CFDP1: variants seen among roughly 807,000 people sequenced by gnomAD.
The protein encoded by CFDP1 is heterochromatin-stabilizing protein CFDP1.
CFDP1 carries 31 observed loss-of-function variants against 40.1 expected under a neutral mutation model. The ratio of observed to expected loss-of-function variants is 0.77; its 90% CI spans 0.58 to 1.04. CFDP1 has a LOEUF of 1.04. Among genes scored for constraint, CFDP1 ranks in the 50% least tolerant of loss-of-function variants. The pLI is 0.00. For missense variants in CFDP1, 423 were observed against 343.4 expected (o/e 1.23, Z -1.83); for synonymous variants, 167 against 120.0 (o/e 1.39, Z -2.56).
At chr16:75,370,130 T>C (rs1192536588) in intron 5 of CFDP1, among the ~76,000 whole-genome samples, 1 of 151,582 alleles carries the variant, frequency 6.6e-6, no homozygotes, top group African/African-American at 2.4e-5. Flanking sequence ...TTCGCTCTTG[T>C]TGCCCAGGCT....
intron 6 of CFDP1, among the ~76,000 whole-genome samples, chr16:75,302,188 GT>G (rs2078226042): frequency 2.0e-5 from 3 of 152,202 alleles, no homozygotes; most frequent in African/African-American, 7.2e-5. Context: ...TTTTAATCTT[GT>G]TTTCCCTTCC....
chr16:75,410,888 G>A (rs78053155), intron 4 of CFDP1, among the ~76,000 whole-genome samples: 71,933 of 134,024 alleles, frequency 0.54, 19,555 homozygotes, highest in Admixed American at 0.67. Flanking sequence ...CAGCCTGGGC[G>A]ACAGAGCAAG....
chr16:75,353,530 G>A (rs1272491463), intron 5 of CFDP1, among the ~76,000 whole-genome samples: 1 of 152,000 alleles, frequency 6.6e-6, no homozygotes, highest in African/African-American at 2.4e-5. Context: ...GGGAGGCCGA[G>A]GCGGGCAGAT....
chr16:75,325,042 GA>G (rs1237229293), intron 5 of CFDP1: 1 of 152,118 alleles, frequency 6.6e-6, no homozygotes, highest in East Asian at 1.9e-4. Context: ...AAAGTCCTTG[GA>G]CTTTTCTCCA....
chr16:75,320,162 C>T (rs987598523), intron 5 of CFDP1, among the ~76,000 whole-genome samples: 31 of 152,180 alleles, frequency 2.0e-4, no homozygotes, highest in Non-Finnish European at 3.8e-4. Context: ...CCTTTTCATT[C>T]AGAAATGTAG....
chr16:75,414,800 A>G, intron 1 of CFDP1, 105 bp from the exon 2 acceptor site: 1 of 773,164 alleles, frequency 1.3e-6, no homozygotes, highest in Non-Finnish European at 2.1e-6. Context: ...TTCATTAAGA[A>G]AAAGTGAATT....
chr16:75,306,291 A>G (rs1479831207), intron 5 of CFDP1: 2 of 152,144 alleles, frequency 1.3e-5, no homozygotes, highest in Admixed American at 6.5e-5. Context: ...CCAGTCTCAG[A>G]GTTGGAAGGG....
At chr16:75,405,830 G>A (rs551825659) in intron 4 of CFDP1, among the ~76,000 whole-genome samples, 22 of 150,516 alleles carry the variant, frequency 1.5e-4, no homozygotes, top group Admixed American at 1.1e-3. Flanking sequence ...GAGGTGAGAG[G>A]ACTGCCTGAG....
At chr16:75,412,888 G>A in intron 2 of CFDP1, 134 bp from the exon 3 acceptor site, 1 of 582,906 alleles carries the variant, frequency 1.7e-6, no homozygotes, top group African/African-American at 1.9e-5. Context: ...ATATACTGAA[G>A]TGAGTAGAAG....
chr16:75,340,832 CG>C lies in CFDP1; in HGVS notation c.651-35651del, dbSNP rs202191638. On this transcript the variant is annotated intron_variant, in intron 5 of 6. Coordinates refer to ENST00000283882, the MANE Select transcript of CFDP1 (RefSeq NM_006324.3). Reference sequence around the variant, plus strand: ...AAAGCTTTTAAGGATGAGGTCAATGCGAGGACCAGCTTCTTCATTAACTCAT... The same window carrying C: ...AAAGCTTTTAAGGATGAGGTCAATGCAGGACCAGCTTCTTCATTAACTCAT... Among the ~76,000 whole-genome samples the C allele has an allele frequency of 6.5e-3, 996 of 152,186 alleles. 11 individuals carry two copies. The highest frequency in any genetic ancestry group is 0.017 in the Middle Eastern group (5 of 294).
intron 6 of CFDP1, among the ~76,000 whole-genome samples, chr16:75,303,399 A>G (rs199621051): frequency 0.056 from 2,549 of 45,174 alleles, 62 homozygotes; most frequent in African/African-American, 0.11. Flanking sequence ...ATAAATAAAT[A>G]AATGTATGTA....
chr16:75,331,702 G>GTGTATCATGGGT (rs71158598), intron 5 of CFDP1, among the ~76,000 whole-genome samples: 123,491 of 151,852 alleles, frequency 0.81, 50,460 homozygotes, highest in Middle Eastern at 0.9. Context: ...TCCATGTTGT[G>GTGTATCATGGGT]TGTTCCTTGT....
At chr16:75,294,451 T>C (rs377010979) in intron 6 of CFDP1, among the ~76,000 whole-genome samples, 2 of 152,080 alleles carry the variant, frequency 1.3e-5, no homozygotes, top group South Asian at 2.1e-4. Context: ...TTGGCTTTAG[T>C]GGTGTGTTGA....
At chr16:75,358,718 C>T (rs140922397) in intron 5 of CFDP1, among the ~76,000 whole-genome samples, 185 of 152,134 alleles carry the variant, frequency 1.2e-3, no homozygotes, top group African/African-American at 4.0e-3. Flanking sequence ...TCTCTTTTCT[C>T]GAAAGTGAAC....
rs148890505 is a variant in CFDP1 at position 75,353,461 on chromosome 16, A to G, written c.650+41629T>C. ...GGAGTTAGGTAGGAGTACAGGTGAT[A>G]TATAAATAGTCATTAATGAGGCTGG... On this transcript the variant is annotated intron_variant, in intron 5 of 6. Coordinates refer to ENST00000283882, the MANE Select transcript of CFDP1 (RefSeq NM_006324.3). Among the ~76,000 whole-genome samples, 920 of 152,296 alleles carry G rather than the reference A, an allele frequency of 6.0e-3. 11 individuals carry two copies. Among genetic ancestry groups the G allele is most frequent in the African/African-American group, 0.02 (831 of 41,562 alleles).
At chr16:75,421,325 C>CT (rs1163845154) in intron 1 of CFDP1, among the ~76,000 whole-genome samples, 1 of 152,164 alleles carries the variant, frequency 6.6e-6, no homozygotes, top group Non-Finnish European at 1.5e-5. Context: ...ATTATCATGG[C>CT]TGTGGGACAA....
At chr16:75,418,063 G>A (rs1028386182) in intron 1 of CFDP1, among the ~76,000 whole-genome samples, 3 of 151,812 alleles carry the variant, frequency 2.0e-5, no homozygotes, top group Non-Finnish European at 4.4e-5. Context: ...AGACCAGTCT[G>A]GCCAACACAG....
At chr16:75,329,948 C>A (rs977561002) in intron 5 of CFDP1, among the ~76,000 whole-genome samples, 1 of 152,182 alleles carries the variant, frequency 6.6e-6, no homozygotes, top group African/African-American at 2.4e-5. Flanking sequence ...CCTCTTTCCT[C>A]CTCCTCCCTC....
chr16:75,382,345 T>C (rs1161473574), intron 5 of CFDP1, among the ~76,000 whole-genome samples: 2 of 152,152 alleles, frequency 1.3e-5, no homozygotes, highest in African/African-American at 2.4e-5. Flanking sequence ...TTGCTTTCAT[T>C]ATGGTGTTAG....
Sources: allele counts gnomAD v4.1 joint callset (sites outside exome capture counted in the v4.1 genomes callset), GRCh38; gene constraint gnomAD v4.1.1; transcripts MANE v1.5; gene names NCBI Gene and HGNC (gene_info 2026-07-23, HGNC 2026-07-21).